PEX7: variants seen among roughly 807,000 people sequenced by gnomAD.
The protein encoded by PEX7 is peroxisomal biogenesis factor 7.
PEX7 carries 34 observed loss-of-function variants against 47.5 expected under a neutral mutation model. That is an observed-to-expected ratio of 0.72 (90% CI 0.54 to 0.95). The LOEUF is 0.95. PEX7 is among the 40% of genes least tolerant of loss of function. The probability of loss-of-function intolerance (pLI) is 0.00; values close to 1 mark genes in which losing one functional copy is unlikely to be tolerated. For synonymous variants in PEX7, 141 were observed against 148.8 expected (o/e 0.95, Z 0.38); for missense variants, 394 against 400.3 (o/e 0.98, Z 0.13).
chr6:136,848,702 A>G (rs1412348387), intron 5 of PEX7, among the ~76,000 whole-genome samples: 2 of 151,600 alleles, frequency 1.3e-5, no homozygotes, highest in Non-Finnish European at 2.9e-5. Flanking sequence ...GATGAAGCCA[A>G]CTTGATCTTG....
intron 8 of PEX7, among the ~76,000 whole-genome samples, chr6:136,873,974 G>A (rs935588708): frequency 6.6e-5 from 10 of 152,006 alleles, no homozygotes; most frequent in African/African-American, 2.4e-4. Context: ...AGTCTCTCAC[G>A]TTCTTTGTGT....
chr6:136,825,468 G>A (rs1774170744), intron 2 of PEX7, among the ~76,000 whole-genome samples, 197 bp downstream of exon 2: 1 of 152,114 alleles, frequency 6.6e-6, no homozygotes, highest in African/African-American at 2.4e-5. Flanking sequence ...TGAGGCAGAA[G>A]GATCACTTGA....
chr6:136,835,885 AAGAAG>A, intron 3 of PEX7, among the ~76,000 whole-genome samples: 1 of 152,226 alleles, frequency 6.6e-6, no homozygotes, highest in Non-Finnish European at 1.5e-5. Flanking sequence ...AAATTTTTTA[AAGAAG>A]AGAAAATGAT....
chr6:136,876,780 A>G (rs2115238311), intron 8 of PEX7, among the ~76,000 whole-genome samples: 2 of 152,268 alleles, frequency 1.3e-5, no homozygotes, highest in East Asian at 3.9e-4. Flanking sequence ...GCTATTGTGA[A>G]CAGTGCTGCA....
chr6:136,867,976 T>C (rs1775105845), intron 6 of PEX7, among the ~76,000 whole-genome samples: 1 of 152,248 alleles, frequency 6.6e-6, no homozygotes. Flanking sequence ...TTTCCAGTTT[T>C]GTAAGCTCCA....
intron 3 of PEX7, among the ~76,000 whole-genome samples, chr6:136,827,619 C>T (rs1448896781): frequency 2.0e-5 from 3 of 151,480 alleles, no homozygotes; most frequent in Non-Finnish European, 4.4e-5. Flanking sequence ...CCTCCACCTT[C>T]TGGAATGGGC....
chr6:136,828,093 G>T (rs9494577), intron 3 of PEX7, among the ~76,000 whole-genome samples: 88,764 of 151,654 alleles, frequency 0.59, 25,960 homozygotes, highest in Admixed American at 0.63. Context: ...AATATAGCTA[G>T]TTAAGGTAAA....
intron 1 of PEX7, among the ~76,000 whole-genome samples, chr6:136,823,850 A>G (rs1183222762): frequency 1.3e-5 from 2 of 152,224 alleles, no homozygotes. Context: ...AGATCGTGCC[A>G]TTGCACTCCA....
At chr6:136,824,346 A>G (rs893202355) in intron 1 of PEX7, among the ~76,000 whole-genome samples, 1 of 152,086 alleles carries the variant, frequency 6.6e-6, no homozygotes, top group Non-Finnish European at 1.5e-5. Flanking sequence ...GACCACAGGC[A>G]TGTACCATCA....
chr6:136,848,105 C>A (rs1348074733), intron 5 of PEX7, among the ~76,000 whole-genome samples: 1 of 152,112 alleles, frequency 6.6e-6, no homozygotes, highest in East Asian at 1.9e-4. Flanking sequence ...CCCTTTGTAG[C>A]AATTGTGAAT....
chr6:136,902,218 G>A (rs756615294), intron 9 of PEX7, among the ~76,000 whole-genome samples: 7 of 152,088 alleles, frequency 4.6e-5, no homozygotes, highest in Non-Finnish European at 8.8e-5. Context: ...ACCTCTTAGT[G>A]TCTTTCCATC....
At chr6:136,890,615 T>TA (rs1352146358) in intron 8 of PEX7, among the ~76,000 whole-genome samples, 1 of 152,142 alleles carries the variant, frequency 6.6e-6, no homozygotes, top group African/African-American at 2.4e-5. Flanking sequence ...AGAGAGTTGT[T>TA]AAATAAAGGA....
intron 3 of PEX7, chr6:136,829,922 G>GT: frequency 5.8e-6 from 4 of 687,148 alleles, no homozygotes; most frequent in South Asian, 1.5e-5. Flanking sequence ...GGACAACAGA[G>GT]TGAGACCCTG....
chr6:136,906,324 G>A (rs1775844381), intron 9 of PEX7, among the ~76,000 whole-genome samples: 1 of 152,120 alleles, frequency 6.6e-6, no homozygotes, highest in Non-Finnish European at 1.5e-5. Context: ...AATTGAATAA[G>A]TATTAAATAT....
At position 136,866,686 on chromosome 6, in the gene PEX7, G is replaced by T; in HGVS notation, c.586G>T (p.Ala196Ser). 3.7e-6 allele frequency: 6 copies of T among 1,614,000 alleles called. No individual in the cohort carries two copies. The highest frequency in any genetic ancestry group is 4.2e-6 in the Non-Finnish European group (5 of 1,179,948). The change falls in exon 6 of 10, where the codon GCA becomes TCA. Residue 196 changes from alanine (A) to serine (S), a missense_variant. Ala to Ser is a moderately conservative substitution (Grantham distance 99, BLOSUM62 1). Coordinates refer to ENST00000318471, the MANE Select transcript of PEX7 (RefSeq NM_000288.4). ...AGCAGGAGTAAGAATCGTGATTCCT[G>T]CACATCAGGCAGAAATCTTGAGTTG... Reference protein sequence around the residue: ...KAAGVRIVIPAHQAEILSCDW... With the variant: ...KAAGVRIVIPSHQAEILSCDW...
intron 5 of PEX7, among the ~76,000 whole-genome samples, chr6:136,849,331 G>GT (rs879637992): frequency 8.6e-5 from 13 of 151,940 alleles, no homozygotes; most frequent in Non-Finnish European, 1.9e-4. Context: ...TTTTTGAAGG[G>GT]TTTTTTGTGT....
At chr6:136,826,537 A>T (rs776107532) in intron 3 of PEX7, 68 bp downstream of exon 3, 102 of 1,563,274 alleles carry the variant, frequency 6.5e-5, no homozygotes, top group Non-Finnish European at 8.5e-5. Context: ...CCATTTGGGG[A>T]TGGACACATG....
intron 3 of PEX7, chr6:136,829,877 C>T: frequency 1.6e-6 from 1 of 626,234 alleles, no homozygotes; most frequent in East Asian, 2.8e-5. Flanking sequence ...GTGGAGGTTG[C>T]AGTGAGCTGA....
At chr6:136,864,907 A>G (rs1407272287) in intron 5 of PEX7, among the ~76,000 whole-genome samples, 2 of 152,142 alleles carry the variant, frequency 1.3e-5, no homozygotes, top group Non-Finnish European at 2.9e-5. Flanking sequence ...TCAAGTCCCC[A>G]CCTGCTATCA....
Sources: gnomAD v4.1 joint callset for allele counts (sites outside exome capture counted in the v4.1 genomes callset) on GRCh38, gnomAD v4.1.1 for gene constraint, MANE v1.5 for transcripts, NCBI Gene and HGNC (gene_info 2026-07-23, HGNC 2026-07-21) for gene names.